The following SRGAP1 variants were observed in gnomAD, a reference collection of about 807,000 sequenced individuals.
The protein encoded by SRGAP1 is SLIT-ROBO Rho GTPase-activating protein 1.
A neutral mutation model predicts 121.9 loss-of-function variants in SRGAP1; 43 were observed. The observed-to-expected ratio is 0.35, with a 90% CI of 0.28 to 0.46. The LOEUF is 0.46. Ranked by LOEUF, SRGAP1 falls within the 20% of genes least tolerant of loss-of-function variation. The pLI, the probability that SRGAP1 is intolerant of heterozygous loss-of-function variation, is 1.00. For synonymous variants in SRGAP1, 447 were observed against 485.4 expected, an observed-to-expected ratio of 0.92 and a Z score of 1.04; for missense variants, 1,102 against 1,350.9, an observed-to-expected ratio of 0.82 and a Z score of 2.89.
chr12:63,909,618 C>T (rs879788750), intron 1 of SRGAP1, among the ~76,000 whole-genome samples: 1 of 152,230 alleles, frequency 6.6e-6, no homozygotes, highest in Non-Finnish European at 1.5e-5. Flanking sequence ...CGTATTTATA[C>T]TATATACCAG....
intron 1 of SRGAP1, among the ~76,000 whole-genome samples, chr12:63,846,645 C>T (rs1898911147): frequency 6.6e-6 from 1 of 152,136 alleles, no homozygotes; most frequent in South Asian, 2.1e-4. Flanking sequence ...ATGACCTTCT[C>T]CCTATTTCCT....
At position 64,142,656 on chromosome 12, in the gene SRGAP1, AG is replaced by A; in HGVS notation, c.3243del (p.Lys1081AsnfsTer24). On this transcript the variant is annotated frameshift_variant, in exon 22 of 22. Coordinates refer to ENST00000355086, the MANE Select transcript of SRGAP1 (RefSeq NM_020762.4). The part of the protein sequence containing the change: ...PAPPPQGPTD[K>X]SCTM ...CCACCTCCCCAGGGTCCAACAGACA[AG>A]TCATGCACAATGTAAAAACCAGCCA... 1 of 1,609,932 alleles carries A rather than the reference AG, an allele frequency of 6.2e-7. No homozygotes were observed. The highest frequency in any genetic ancestry group is 2.2e-5 in the East Asian group (1 of 44,754).
In SRGAP1 at chr12:64,147,222, G is replaced by A. The variant is rs904447909; in HGVS notation, c.*4550G>A. 5.8e-6 allele frequency: 2 copies of A among 342,512 alleles called. No homozygotes were observed. The highest frequency in any genetic ancestry group is 9.6e-5 in the Admixed American group (2 of 20,918). 21.2% of individuals were successfully genotyped at this position (342,512 alleles called of 1,614,324 possible). A position where few individuals can be genotyped will look rare whatever the true frequency, so the allele number is the denominator to read the frequency against. On this transcript the variant is annotated 3_prime_UTR_variant, in exon 22 of 22. Transcript: ENST00000355086. ...CTTTCCTGTCGGTTTGATCAATTGC[G>A]GTACCGGTAGCTTCCTGCTTGTGAC...
chr12:63,946,293 C>CTTTTTTTTTTT (rs77103965), intron 1 of SRGAP1, among the ~76,000 whole-genome samples: 2 of 136,740 alleles, frequency 1.5e-5, no homozygotes, highest in Non-Finnish European at 3.2e-5. Context: ...CTTTTTTTTT[C>CTTTTTTTTTTT]TTTTTTTTTT....
chr12:64,043,843 A>G (rs940396489), intron 6 of SRGAP1, among the ~76,000 whole-genome samples: 3 of 152,240 alleles, frequency 2.0e-5, no homozygotes, highest in African/African-American at 7.2e-5. Flanking sequence ...TAGCTAAGAC[A>G]GGGCCCAGTC....
At chr12:63,953,528 G>A (rs1467334677) in intron 1 of SRGAP1, among the ~76,000 whole-genome samples, 1 of 150,648 alleles carries the variant, frequency 6.6e-6, no homozygotes, top group African/African-American at 2.4e-5. Context: ...TTAGCCTCCC[G>A]AGTAGCTGAG....
chr12:63,869,288 C>A (rs1430543886), intron 1 of SRGAP1, among the ~76,000 whole-genome samples: 1 of 152,166 alleles, frequency 6.6e-6, no homozygotes, highest in African/African-American at 2.4e-5. Context: ...CCAAATGTAT[C>A]TTTTATAAGG....
intron 1 of SRGAP1, among the ~76,000 whole-genome samples, chr12:63,889,432 T>C (rs1315865928): frequency 6.6e-6 from 1 of 152,186 alleles, no homozygotes; most frequent in African/African-American, 2.4e-5. Flanking sequence ...TCTACTCAAG[T>C]AGATTTGAAA....
At chr12:63,855,320 C>T (rs1443097847) in intron 1 of SRGAP1, among the ~76,000 whole-genome samples, 5 of 151,968 alleles carry the variant, frequency 3.3e-5, no homozygotes, top group Admixed American at 1.3e-4. Context: ...CTTACTTAAC[C>T]AGTGGGAACT....
chr12:64,125,940 C>T, intron 18 of SRGAP1, 37 bp from the exon 19 acceptor site: 1 of 1,601,468 alleles, frequency 6.2e-7, no homozygotes, highest in Non-Finnish European at 8.5e-7. Context: ...TTCCTAACAA[C>T]CCTGTTTCTC....
At chr12:63,901,928 A>T (rs1027528985) in intron 1 of SRGAP1, among the ~76,000 whole-genome samples, 2 of 152,198 alleles carry the variant, frequency 1.3e-5, no homozygotes, top group African/African-American at 4.8e-5. Context: ...TCTTCATGAA[A>T]ATTTAAACCA....
At chr12:64,074,354 T>A (rs2035696580) in intron 8 of SRGAP1, among the ~76,000 whole-genome samples, 1 of 152,252 alleles carries the variant, frequency 6.6e-6, no homozygotes, top group Non-Finnish European at 1.5e-5. Flanking sequence ...GGCTCCCTGT[T>A]GATTCTCAAT....
At chr12:64,108,806 T>C (rs921965204) in intron 15 of SRGAP1, 126 bp from the exon 16 acceptor site, 12 of 535,892 alleles carry the variant, frequency 2.2e-5, no homozygotes, top group African/African-American at 5.7e-5. Context: ...TTGGTTACAA[T>C]TGGATCTCAC....
intron 4 of SRGAP1, among the ~76,000 whole-genome samples, chr12:64,030,111 C>T: frequency 6.6e-6 from 1 of 151,992 alleles, no homozygotes; most frequent in Admixed American, 6.6e-5. Flanking sequence ...TGGGCAGATA[C>T]TGTAGTATAA....
At chr12:64,085,089 T>G (rs1024168931) in intron 10 of SRGAP1, among the ~76,000 whole-genome samples, 1 of 152,138 alleles carries the variant, frequency 6.6e-6, no homozygotes, top group African/African-American at 2.4e-5. Context: ...TACATTATAG[T>G]TCCTGGGATC....
intron 12 of SRGAP1, among the ~76,000 whole-genome samples, chr12:64,092,505 T>C (rs7960270): frequency 0.13 from 18,408 of 142,358 alleles, 1,379 homozygotes; most frequent in South Asian, 0.25. Flanking sequence ...TACATACATA[T>C]GTACATAGAT....
intron 18 of SRGAP1, among the ~76,000 whole-genome samples, chr12:64,124,852 C>T (rs953016622): frequency 3.9e-5 from 6 of 151,932 alleles, no homozygotes; most frequent in African/African-American, 1.5e-4. Context: ...TCTCGTATAC[C>T]TTCTGCCAGT....
chr12:63,882,298 T>A (rs2136287392), intron 1 of SRGAP1, among the ~76,000 whole-genome samples: 1 of 152,246 alleles, frequency 6.6e-6, no homozygotes, highest in Non-Finnish European at 1.5e-5. Flanking sequence ...TTTGTTTTTT[T>A]GAGATGGAGT....
In SRGAP1 at chr12:64,065,198, G is replaced by T. The variant is rs768086842; in HGVS notation, c.1104G>T (p.Thr368=). ...RYQQLQSRLA[T]LKIENEEVKK... is the part of the protein sequence containing the mutation. ...AACAGTTGCAGTCCCGCCTTGCCAC[G>T]CTCAAAATCGAGAATGAAGAGGTGA... Residue 368 remains threonine (T), a synonymous_variant, in exon 8 of 22, where the codon ACG becomes ACT. Coordinates refer to ENST00000355086, the MANE Select transcript of SRGAP1 (RefSeq NM_020762.4). The T allele has an allele frequency of 8.7e-6, 14 of 1,612,716 alleles. No homozygotes were observed. In the East Asian group the frequency reaches 2.9e-4, roughly 33 times the overall value.
Sources: gnomAD v4.1 joint callset for allele counts (sites outside exome capture counted in the v4.1 genomes callset) on GRCh38, gnomAD v4.1.1 for gene constraint, MANE v1.5 for transcripts, NCBI Gene and HGNC (gene_info 2026-07-23, HGNC 2026-07-21) for gene names.